The following L3MBTL4 variants were observed in gnomAD, a reference collection of about 807,000 sequenced individuals.
The protein encoded by L3MBTL4 is lethal(3)malignant brain tumor-like protein 4.
Under a neutral mutation model 84.5 loss-of-function variants are expected in L3MBTL4, and 70 were observed. The observed-to-expected ratio is 0.83, with a 90% confidence interval of 0.68 to 1.01. The LOEUF is 1.01. Ranked by LOEUF, L3MBTL4 falls within the 50% of genes least tolerant of loss-of-function variation. The pLI is 0.00. For missense variants in L3MBTL4, 715 were observed against 754.8 expected (o/e 0.95, Z 0.62); for synonymous variants, 274 against 259.8 (o/e 1.05, Z -0.52).
intron 16 of L3MBTL4, among the ~76,000 whole-genome samples, chr18:5,979,801 A>G (rs996380851): frequency 2.6e-5 from 4 of 152,198 alleles, no homozygotes; most frequent in African/African-American, 9.6e-5. Flanking sequence ...TGCAATACTC[A>G]GCATCTGAAT....
intron 10 of L3MBTL4, among the ~76,000 whole-genome samples, chr18:6,235,730 G>A (rs1243578257): frequency 6.6e-6 from 1 of 152,140 alleles, no homozygotes; most frequent in Non-Finnish European, 1.5e-5. Context: ...TTTTTACAGG[G>A]AATAAAAAAG....
chr18:5,990,266 G>C (rs1396136041), intron 16 of L3MBTL4, among the ~76,000 whole-genome samples: 1 of 152,136 alleles, frequency 6.6e-6, no homozygotes, highest in East Asian at 1.9e-4. Context: ...CTTCTAAAAT[G>C]GCAACTACTT....
At chr18:6,134,075 C>T (rs541115166) in intron 14 of L3MBTL4, among the ~76,000 whole-genome samples, 10 of 152,210 alleles carry the variant, frequency 6.6e-5, no homozygotes, top group African/African-American at 1.9e-4. Flanking sequence ...GGGGAGGCCT[C>T]ATATTCATGG....
At chr18:6,222,217 T>C (rs2145895585) in intron 10 of L3MBTL4, among the ~76,000 whole-genome samples, 1 of 152,360 alleles carries the variant, frequency 6.6e-6, no homozygotes, top group Admixed American at 6.5e-5. Context: ...CTCTAACATT[T>C]ACAGCAGTAC....
chr18:6,146,100 C>T lies in L3MBTL4; in HGVS notation c.1097-7804G>A, dbSNP rs140186412. Among the ~76,000 whole-genome samples the T allele has an allele frequency of 3.3e-3, 495 of 152,292 alleles. 2 individuals are homozygous for T. The highest frequency in any genetic ancestry group is 0.011 in the African/African-American group (461 of 41,560). On this transcript the variant is annotated intron_variant, in intron 13 of 18. Coordinates refer to ENST00000317931, the MANE Select transcript of L3MBTL4 (RefSeq NM_001330559.2). ...AAGGCCTGGGTGAGGGGAAGGGTGG[C>T]GGGAGATGAGACGGCGTGGGCCAAA...
At chr18:5,980,550 G>A (rs1305334890) in intron 16 of L3MBTL4, among the ~76,000 whole-genome samples, 2 of 149,832 alleles carry the variant, frequency 1.3e-5, no homozygotes, top group African/African-American at 4.9e-5. Flanking sequence ...TCCTGCCTCA[G>A]CTGCCTGAGT....
chr18:6,193,987 G>C (rs2045256429), intron 12 of L3MBTL4, among the ~76,000 whole-genome samples: 1 of 152,160 alleles, frequency 6.6e-6, no homozygotes, highest in Non-Finnish European at 1.5e-5. Flanking sequence ...GCAGTACTTT[G>C]TGGGGTCGAA....
At chr18:5,957,315 G>A (rs950533833) in intron 18 of L3MBTL4, among the ~76,000 whole-genome samples, 10 of 152,000 alleles carry the variant, frequency 6.6e-5, no homozygotes, top group African/African-American at 2.4e-4. Context: ...TAATCATCAC[G>A]CATTGTATAT....
intron 16 of L3MBTL4, among the ~76,000 whole-genome samples, chr18:5,986,200 T>C (rs2053458877): frequency 6.6e-6 from 1 of 152,216 alleles, no homozygotes; most frequent in Admixed American, 6.5e-5. Flanking sequence ...TGAATGAGAA[T>C]ACCTTTCACC....
intron 10 of L3MBTL4, among the ~76,000 whole-genome samples, chr18:6,223,804 T>C (rs1232053557): frequency 2.0e-5 from 3 of 152,140 alleles, no homozygotes; most frequent in Admixed American, 1.3e-4. Context: ...CCGGCTGAAA[T>C]GGAAAGATTA....
At chr18:6,362,883 G>C (rs1206032696) in intron 1 of L3MBTL4, among the ~76,000 whole-genome samples, 3 of 152,220 alleles carry the variant, frequency 2.0e-5, no homozygotes, top group Non-Finnish European at 4.4e-5. Context: ...TTTTCGGAGA[G>C]AAGGCTGGAG....
intron 14 of L3MBTL4, among the ~76,000 whole-genome samples, chr18:6,102,749 A>G (rs2058874228): frequency 6.6e-6 from 1 of 152,244 alleles, no homozygotes; most frequent in Non-Finnish European, 1.5e-5. Flanking sequence ...TGGAGCTATG[A>G]GCTTAATCAT....
At chr18:6,119,004 T>G (rs1182038327) in intron 14 of L3MBTL4, among the ~76,000 whole-genome samples, 1 of 145,162 alleles carries the variant, frequency 6.9e-6, no homozygotes, top group Non-Finnish European at 1.5e-5. Context: ...TTTTTTTTTT[T>G]TTTTTTTTTT....
chr18:5,966,001 A>T (rs2052335885), intron 17 of L3MBTL4, among the ~76,000 whole-genome samples: 1 of 152,182 alleles, frequency 6.6e-6, no homozygotes, highest in Non-Finnish European at 1.5e-5. Context: ...CCCAGCAGCA[A>T]GGGCTGAGAT....
chr18:6,181,419 G>T (rs2044466872), intron 12 of L3MBTL4, among the ~76,000 whole-genome samples: 1 of 151,888 alleles, frequency 6.6e-6, no homozygotes, highest in Non-Finnish European at 1.5e-5. Context: ...TCTGTTTCCT[G>T]GGTTCAAGCA....
chr18:6,053,410 C>T (rs376564601), intron 16 of L3MBTL4, among the ~76,000 whole-genome samples: 7 of 152,224 alleles, frequency 4.6e-5, no homozygotes, highest in South Asian at 4.1e-4. Context: ...CCAATCCTAA[C>T]GAAATGGATA....
intron 12 of L3MBTL4, among the ~76,000 whole-genome samples, chr18:6,194,356 G>A (rs935270591): frequency 5.3e-5 from 8 of 152,164 alleles, no homozygotes; most frequent in Admixed American, 2.0e-4. Context: ...TCTGTAAACC[G>A]GCCTGACGTG....
At chr18:6,191,217 T>A (rs2145511720) in intron 12 of L3MBTL4, among the ~76,000 whole-genome samples, 1 of 152,276 alleles carries the variant, frequency 6.6e-6, no homozygotes, top group African/African-American at 2.4e-5. Flanking sequence ...GAGTGGAAGC[T>A]AGAAGAGCAG....
chr18:6,084,657 G>A (rs1052385022), intron 15 of L3MBTL4, among the ~76,000 whole-genome samples: 2 of 152,182 alleles, frequency 1.3e-5, no homozygotes, highest in Non-Finnish European at 2.9e-5. Context: ...GCCACCAAAA[G>A]ACTCATGATC....
Sources: gnomAD v4.1 joint callset for allele counts (sites outside exome capture counted in the v4.1 genomes callset) on GRCh38, gnomAD v4.1.1 for gene constraint, MANE v1.5 for transcripts, NCBI Gene and HGNC (gene_info 2026-07-23, HGNC 2026-07-21) for gene names.